The following KDM4C variants were observed in gnomAD, a reference collection of about 807,000 sequenced individuals.
The protein encoded by KDM4C is lysine-specific demethylase 4C.
Under a neutral mutation model 129.3 loss-of-function variants are expected in KDM4C, and 81 were observed. That is an observed-to-expected ratio of 0.63 (90% CI 0.52 to 0.75). KDM4C has a LOEUF of 0.75. KDM4C is among the 30% of genes least tolerant of loss of function. The pLI is 0.00. For missense variants in KDM4C, 1,457 were observed against 1,304.0 expected (o/e 1.12, Z -1.81); for synonymous variants, 573 against 456.1 (o/e 1.26, Z -3.26).
intron 12 of KDM4C, among the ~76,000 whole-genome samples, chr9:6,993,750 C>T (rs574462979): frequency 2.7e-4 from 41 of 152,226 alleles, no homozygotes; most frequent in African/African-American, 8.4e-4. Context: ...TAGAAATCTG[C>T]GGCAGTATTT....
At chr9:6,777,033 C>T (rs1235106377) in intron 1 of KDM4C, among the ~76,000 whole-genome samples, 1 of 152,130 alleles carries the variant, frequency 6.6e-6, no homozygotes, top group Admixed American at 6.6e-5. Flanking sequence ...GTATTGTCAA[C>T]TTTTCCAGGA....
At chr9:6,757,036 A>G (rs1242693044), upstream of KDM4C, among the ~76,000 whole-genome samples, 4 of 152,168 alleles carry the variant, frequency 2.6e-5, no homozygotes, top group Non-Finnish European at 5.9e-5. Context: ...CTCTGTAGGA[A>G]GTTTAAAAAA....
In KDM4C at chr9:7,033,648, A is replaced by G. The variant is rs553794359; in HGVS notation, c.2260-13214A>G. 1.3e-3 allele frequency among the ~76,000 whole-genome samples: 200 copies of G among 152,350 alleles called. 1 individual carries two copies. Among genetic ancestry groups the G allele is most frequent in the African/African-American group, 4.6e-3 (191 of 41,586 alleles). ...TGTTCTTTCCTCTTTCTTTTGCTCA[A>G]TAACACCCCCCACCTCTGCTCTGTA... On this transcript the variant is annotated intron_variant, in intron 15 of 21. Coordinates refer to ENST00000381309, the MANE Select transcript of KDM4C (RefSeq NM_015061.6).
intron 20 of KDM4C, among the ~76,000 whole-genome samples, chr9:7,166,463 TG>T (rs1272789982): frequency 3.6e-5 from 1 of 27,818 alleles, no homozygotes; most frequent in African/African-American, 1.3e-4. Flanking sequence ...TGTGTATGTG[TG>T]TCTGTGTGTG....
intron 1 of KDM4C, among the ~76,000 whole-genome samples, chr9:6,785,120 A>G (rs1825193356): frequency 6.6e-6 from 1 of 152,206 alleles, no homozygotes; most frequent in Non-Finnish European, 1.5e-5. Flanking sequence ...AGAGACGTCT[A>G]TCCTGTCACA....
chr9:7,019,698 A>T (rs7465822), intron 15 of KDM4C, among the ~76,000 whole-genome samples: 4,191 of 97,200 alleles, frequency 0.043, 170 homozygotes, highest in African/African-American at 0.1. Context: ...ATAAAAATAT[A>T]ATATTTTTAT....
At chr9:6,829,547 T>C (rs1834453219) in intron 4 of KDM4C, among the ~76,000 whole-genome samples, 1 of 152,188 alleles carries the variant, frequency 6.6e-6, no homozygotes, top group African/African-American at 2.4e-5. Flanking sequence ...GTCAACACAT[T>C]GATAGATAAG....
chr9:7,092,091 A>G (rs1366713559), intron 17 of KDM4C, among the ~76,000 whole-genome samples: 2 of 152,174 alleles, frequency 1.3e-5, no homozygotes, highest in Non-Finnish European at 2.9e-5. Context: ...AAAAGAACTG[A>G]TGTATTATTA....
chr9:7,174,022 A>C (rs1314480879), intron 21 of KDM4C, among the ~76,000 whole-genome samples: 3 of 152,254 alleles, frequency 2.0e-5, no homozygotes, highest in African/African-American at 4.8e-5. Context: ...GTGAGCAGCC[A>C]GAGAAGGAGA....
chr9:6,724,523 T>C (rs1817059757), intron 1 of KDM4C, among the ~76,000 whole-genome samples: 1 of 152,056 alleles, frequency 6.6e-6, no homozygotes, highest in South Asian at 2.1e-4. Flanking sequence ...CATATTATTA[T>C]TATTGTTATT....
At position 7,165,282 on chromosome 9, in the gene KDM4C, C is replaced by T. The variant is rs374431440; in HGVS notation, c.2826C>T (p.Val942=). Residue 942 remains valine, a synonymous_variant, in exon 20 of 22, where the codon GTC becomes GTT. Coordinates refer to ENST00000381309, the MANE Select transcript of KDM4C (RefSeq NM_015061.6). ...LKLGPPAEGE[V]VQVKWPDGKL... ...TGGGCCCACCTGCTGAGGGAGAAGT[C>T]GTCCAAGTCAAGTGGCCCGATGGCA... 26 of 1,614,116 alleles carry T rather than the reference C, an allele frequency of 1.6e-5. No individual in the cohort carries two copies. Among genetic ancestry groups the T allele is most frequent in the Non-Finnish European group, 2.1e-5 (25 of 1,179,982 alleles).
intron 12 of KDM4C, among the ~76,000 whole-genome samples, chr9:6,993,897 G>A (rs2821455): frequency 0.98 from 149,338 of 152,288 alleles, 73,305 homozygotes; most frequent in East Asian, 1. Context: ...ATTCAATGCT[G>A]CCTGCTCTCT....
intron 8 of KDM4C, among the ~76,000 whole-genome samples, chr9:6,933,811 A>G: frequency 6.8e-6 from 1 of 147,180 alleles, no homozygotes; most frequent in East Asian, 2.0e-4. Context: ...TTTTTTTTGA[A>G]TTGCATTTTT....
chr9:7,148,457 CA>C (rs1236403373), intron 19 of KDM4C, among the ~76,000 whole-genome samples: 1 of 151,846 alleles, frequency 6.6e-6, no homozygotes, highest in Non-Finnish European at 1.5e-5. Flanking sequence ...TGCCCAGTAG[CA>C]GTGGAGAACA....
chr9:6,894,669 T>C (rs1846576506), intron 8 of KDM4C, among the ~76,000 whole-genome samples: 1 of 152,188 alleles, frequency 6.6e-6, no homozygotes, highest in Non-Finnish European at 1.5e-5. Flanking sequence ...TAAACTACCA[T>C]GTACATTGGA....
intron 18 of KDM4C, among the ~76,000 whole-genome samples, chr9:7,111,382 T>C (rs1838299532): frequency 6.6e-6 from 1 of 152,238 alleles, no homozygotes; most frequent in Admixed American, 6.5e-5. Flanking sequence ...ATGCAGACAC[T>C]CTGAAATTCG....
At chr9:6,750,395 T>G (rs961562452) in intron 1 of KDM4C, among the ~76,000 whole-genome samples, 1 of 150,914 alleles carries the variant, frequency 6.6e-6, no homozygotes, top group Non-Finnish European at 1.5e-5. Context: ...GCCGAGATCG[T>G]GTCATTGCAC....
intron 5 of KDM4C, among the ~76,000 whole-genome samples, chr9:6,864,537 C>A (rs765820622): frequency 6.7e-6 from 1 of 150,194 alleles, no homozygotes; most frequent in Non-Finnish European, 1.5e-5. Flanking sequence ...CTGGTGTGAT[C>A]TCGGCTCACA....
At chr9:6,986,943 G>T (rs947768820) in intron 11 of KDM4C, 4 of 336,878 alleles carry the variant, frequency 1.2e-5, no homozygotes, top group Admixed American at 4.4e-5. Context: ...TGAGGTAATT[G>T]TAGACTCGTA....
Sources: gnomAD v4.1 joint callset for allele counts (sites outside exome capture counted in the v4.1 genomes callset) on GRCh38, gnomAD v4.1.1 for gene constraint, MANE v1.5 for transcripts, NCBI Gene and HGNC (gene_info 2026-07-23, HGNC 2026-07-21) for gene names.